NKAIN3: variants seen among roughly 807,000 people sequenced by gnomAD.
NKAIN3 encodes the protein sodium/potassium-transporting ATPase subunit beta-1-interacting protein 3.
Under a neutral mutation model 30.2 loss-of-function variants are expected in NKAIN3, and 25 were observed. That is an observed-to-expected ratio of 0.83 (90% CI 0.60 to 1.16). NKAIN3 has a LOEUF of 1.16. Ranked by LOEUF, NKAIN3 falls within the 50% of genes most tolerant of loss-of-function variation. NKAIN3 has a pLI of 0.00. For missense variants in NKAIN3, 225 were observed against 254.1 expected (o/e 0.89, Z 0.78); for synonymous variants, 91 against 89.6 (o/e 1.02, Z -0.09).
intron 6 of NKAIN3, among the ~76,000 whole-genome samples, chr8:62,959,763 G>A (rs1823518697): frequency 6.6e-6 from 1 of 152,150 alleles, no homozygotes; most frequent in African/African-American, 2.4e-5. Flanking sequence ...ACTACTAAGG[G>A]TGGAGCCCCG....
chr8:62,562,286 T>C (rs1179359960), intron 1 of NKAIN3, among the ~76,000 whole-genome samples: 2 of 152,138 alleles, frequency 1.3e-5, no homozygotes, highest in Non-Finnish European at 2.9e-5. Flanking sequence ...GAGTGTCCCT[T>C]GAGAGTTGTT....
At chr8:62,633,875 C>A (rs1744196396) in intron 3 of NKAIN3, among the ~76,000 whole-genome samples, 1 of 152,122 alleles carries the variant, frequency 6.6e-6, no homozygotes, top group Non-Finnish European at 1.5e-5. Context: ...GTAACCTCCC[C>A]ACTTCTCTGT....
chr8:62,252,771 G>A (rs1392761558), intron 1 of NKAIN3, among the ~76,000 whole-genome samples: 2 of 152,112 alleles, frequency 1.3e-5, no homozygotes, highest in East Asian at 3.8e-4. Flanking sequence ...GATACTTTCA[G>A]TTTTGCTTGT....
intron 1 of NKAIN3, among the ~76,000 whole-genome samples, chr8:62,402,807 G>T (rs1005682525): frequency 3.3e-5 from 5 of 152,184 alleles, no homozygotes; most frequent in African/African-American, 9.7e-5. Context: ...ACCGCAAAAA[G>T]TGGGGTGCTG....
At chr8:62,591,125 C>A (rs1042322589) in intron 3 of NKAIN3, among the ~76,000 whole-genome samples, 18 of 151,750 alleles carry the variant, frequency 1.2e-4, no homozygotes, top group African/African-American at 3.1e-4. Context: ...TTGTATCTTG[C>A]GATTTGGATG....
intron 4 of NKAIN3, among the ~76,000 whole-genome samples, chr8:62,882,886 T>G (rs1300500088): frequency 6.6e-6 from 1 of 152,200 alleles, no homozygotes; most frequent in Non-Finnish European, 1.5e-5. Flanking sequence ...TTCTGGGCTC[T>G]CTATTCTGTT....
At chr8:62,355,626 A>G (rs1027989507) in intron 1 of NKAIN3, among the ~76,000 whole-genome samples, 4 of 152,218 alleles carry the variant, frequency 2.6e-5, no homozygotes, top group African/African-American at 9.7e-5. Flanking sequence ...TCTGTGGCTT[A>G]CTTACAACAC....
chr8:62,850,370 A>T (rs1424232542), intron 4 of NKAIN3, among the ~76,000 whole-genome samples: 2 of 151,914 alleles, frequency 1.3e-5, no homozygotes, highest in African/African-American at 4.8e-5. Context: ...TTGTCAGATG[A>T]GTAGATTGCA....
intron 1 of NKAIN3, among the ~76,000 whole-genome samples, chr8:62,572,457 G>A (rs1208168032): frequency 6.6e-6 from 1 of 152,112 alleles, no homozygotes; most frequent in African/African-American, 2.4e-5. Context: ...ACCTCTGCCT[G>A]TTACCTAGTT....
At chr8:62,792,259 G>T (rs1286587311) in intron 4 of NKAIN3, among the ~76,000 whole-genome samples, 2 of 152,006 alleles carry the variant, frequency 1.3e-5, no homozygotes, top group East Asian at 1.9e-4. Flanking sequence ...CCCTTTTAAA[G>T]CTATTGTCTG....
chr8:62,777,637 T>G (rs903698854), intron 4 of NKAIN3, among the ~76,000 whole-genome samples: 2 of 152,212 alleles, frequency 1.3e-5, no homozygotes, highest in Non-Finnish European at 2.9e-5. Context: ...ACCAAAAAGC[T>G]ACTTTGAATT....
In NKAIN3 at chr8:62,708,496, T is replaced by C. The variant is rs1257814961; in HGVS notation, c.274-38436T>C. 9.2e-5 allele frequency among the ~76,000 whole-genome samples: 14 copies of C among 152,072 alleles called. 1 individual carries two copies. Among genetic ancestry groups the C allele is most frequent in the Non-Finnish European group, 1.5e-5 (1 of 67,944 alleles). ...ATTTTTTGCAGCTATTGTAAAAGGG[T>C]TGACTTCTTGATTTGAGTCTCCAGT... On this transcript the variant is annotated intron_variant, in intron 3 of 6. Transcript: ENST00000623646.
chr8:62,737,517 CATTGTTCTG>C (rs750154188), intron 3 of NKAIN3, among the ~76,000 whole-genome samples: 8 of 152,198 alleles, frequency 5.3e-5, no homozygotes, highest in Non-Finnish European at 1.0e-4. Context: ...TCTTGTTAGC[CATTGTTCTG>C]ATTGTGCTTT....
At chr8:62,393,661 T>C (rs1449759680) in intron 1 of NKAIN3, among the ~76,000 whole-genome samples, 1 of 152,052 alleles carries the variant, frequency 6.6e-6, no homozygotes, top group Non-Finnish European at 1.5e-5. Flanking sequence ...TGATTCTGAA[T>C]GTATTCAATT....
intron 5 of NKAIN3, among the ~76,000 whole-genome samples, chr8:62,950,944 C>CTT (rs71559384): frequency 1.2e-3 from 120 of 100,618 alleles, no homozygotes; most frequent in East Asian, 6.1e-3. Flanking sequence ...AAACAGAATC[C>CTT]TTTTTTTTTT....
intron 1 of NKAIN3, among the ~76,000 whole-genome samples, chr8:62,345,444 TAC>T (rs1367239471): frequency 1.9e-4 from 24 of 128,780 alleles, no homozygotes; most frequent in African/African-American, 6.1e-4. Flanking sequence ...TATGTATATA[TAC>T]ACACATATGT....
chr8:62,490,886 T>C (rs957705184), intron 1 of NKAIN3, among the ~76,000 whole-genome samples: 8 of 152,150 alleles, frequency 5.3e-5, no homozygotes, highest in African/African-American at 1.9e-4. Context: ...TTAATGTAAA[T>C]ATGAAATAAT....
Position 62,972,222 on chromosome 8 carries a change from C to T in NKAIN3, c.*6815C>T, listed in dbSNP as rs150036789. Among the ~76,000 whole-genome samples the T allele has an allele frequency of 6.6e-6, 1 of 152,064 alleles. No individual in the cohort carries two copies. The highest frequency in any genetic ancestry group is 1.5e-5 in the Non-Finnish European group (1 of 68,010). ...AGTATATGATCTTTTCTCTTATTTT[C>T]TCTCAGTATAAGTTGGACCTGTTTT... On this transcript the variant is annotated 3_prime_UTR_variant, in exon 7 of 7. Coordinates refer to ENST00000623646, the MANE Select transcript of NKAIN3 (RefSeq NM_001304533.3).
intron 1 of NKAIN3, among the ~76,000 whole-genome samples, chr8:62,372,679 CTCAAT>C (rs552855060): frequency 8.6e-5 from 13 of 151,942 alleles, no homozygotes; most frequent in African/African-American, 3.1e-4. Context: ...TTGTATTGTT[CTCAAT>C]TCATTTTTAT....
Sources: gnomAD v4.1 joint callset for allele counts (sites outside exome capture counted in the v4.1 genomes callset) on GRCh38, gnomAD v4.1.1 for gene constraint, MANE v1.5 for transcripts, NCBI Gene and HGNC (gene_info 2026-07-23, HGNC 2026-07-21) for gene names.